The following SH3D19 variants were observed in gnomAD, a reference collection of about 807,000 sequenced individuals.
SH3D19 encodes the protein SH3 domain-containing protein 19.
In SH3D19, 58 loss-of-function variants were observed where a neutral mutation model predicts 112.1. The observed-to-expected ratio is 0.52, with a 90% CI of 0.42 to 0.64. The LOEUF (loss-of-function observed/expected upper bound fraction) is 0.64. Among genes scored for constraint, SH3D19 ranks in the 30% least tolerant of loss-of-function variants. SH3D19 has a pLI of 0.00. For missense variants in SH3D19, 1,090 were observed against 1,263.4 expected (o/e 0.86, Z 2.08); for synonymous variants, 391 against 448.5 (o/e 0.87, Z 1.62).
chr4:151,248,686 G>A (rs113038109), intron 1 of SH3D19, among the ~76,000 whole-genome samples: 12 of 152,190 alleles, frequency 7.9e-5, no homozygotes, highest in Admixed American at 1.3e-4. Flanking sequence ...AGTGGAAGGC[G>A]CATGGACTTT....
intron 1 of SH3D19, among the ~76,000 whole-genome samples, chr4:151,237,333 T>C (rs914987276): frequency 2.0e-5 from 3 of 152,156 alleles, no homozygotes; most frequent in Non-Finnish European, 4.4e-5. Flanking sequence ...TTCTATCACT[T>C]ATATATCTTT....
At chr4:151,208,582 C>G (rs1765453139) in intron 2 of SH3D19, among the ~76,000 whole-genome samples, 1 of 152,084 alleles carries the variant, frequency 6.6e-6, no homozygotes, top group Non-Finnish European at 1.5e-5. Flanking sequence ...GTTTGTCAGG[C>G]TGGTCTCCAA....
chr4:151,309,124 G>C (rs1729197739), intron 1 of SH3D19, among the ~76,000 whole-genome samples: 2 of 152,210 alleles, frequency 1.3e-5, no homozygotes, highest in African/African-American at 4.8e-5. Flanking sequence ...CCGCCTTGGT[G>C]TCCCAAAGTA....
intron 1 of SH3D19, among the ~76,000 whole-genome samples, chr4:151,269,965 G>A (rs1773117640): frequency 6.6e-6 from 1 of 152,074 alleles, no homozygotes; most frequent in Admixed American, 6.5e-5. Flanking sequence ...GTGTTCAGGG[G>A]CAATAACATG....
intron 1 of SH3D19, among the ~76,000 whole-genome samples, chr4:151,312,836 G>A (rs542053275): frequency 5.3e-5 from 8 of 151,828 alleles, no homozygotes; most frequent in African/African-American, 1.9e-4. Flanking sequence ...GGGAGGCGAA[G>A]GTTGCAGTGA....
intron 1 of SH3D19, among the ~76,000 whole-genome samples, chr4:151,228,182 A>G (rs1378928213): frequency 6.6e-6 from 1 of 152,154 alleles, no homozygotes; most frequent in Non-Finnish European, 1.5e-5. Context: ...TGCTGGGGGA[A>G]ATTTTAAAAT....
At chr4:151,245,057 T>A (rs1166614512) in intron 1 of SH3D19, among the ~76,000 whole-genome samples, 1 of 151,682 alleles carries the variant, frequency 6.6e-6, no homozygotes, top group Non-Finnish European at 1.5e-5. Flanking sequence ...AGCAGGAAAA[T>A]CATTTGAACC....
chr4:151,276,488 C>T (rs76848279), intron 1 of SH3D19, among the ~76,000 whole-genome samples: 2,760 of 152,160 alleles, frequency 0.018, 41 homozygotes, highest in Middle Eastern at 0.037. Flanking sequence ...TGATGCAGAC[C>T]CCTAAGAACG....
intron 1 of SH3D19, among the ~76,000 whole-genome samples, chr4:151,276,124 T>C (rs929722756): frequency 1.3e-5 from 2 of 152,230 alleles, no homozygotes; most frequent in Non-Finnish European, 2.9e-5. Flanking sequence ...ATTACAGGCA[T>C]GAGCCACCGT....
In SH3D19 at chr4:151,203,579, C is replaced by G. The variant is rs544776859; in HGVS notation, c.153-16116G>C. Reference sequence around the variant, plus strand: ...CCTCAGGTGGGGATGCCAGCCCCACCAACTTATAAAGGTCATTTGTGCTCT... The same window carrying G: ...CCTCAGGTGGGGATGCCAGCCCCACGAACTTATAAAGGTCATTTGTGCTCT... On this transcript the variant is annotated intron_variant, in intron 2 of 19. Coordinates refer to ENST00000604030, the MANE Select transcript of SH3D19 (RefSeq NM_001378122.1). Among the ~76,000 whole-genome samples the G allele has an allele frequency of 1.5e-4, 23 of 152,218 alleles. 1 individual carries two copies. In the South Asian group the frequency reaches 4.8e-3, roughly 32 times the overall value.
At position 151,202,281 on chromosome 4, in the gene SH3D19, G is replaced by A. The variant is rs146089183; in HGVS notation, c.153-14818C>T. 4.2e-3 allele frequency among the ~76,000 whole-genome samples: 633 copies of A among 152,348 alleles called. 1 individual carries two copies. Among genetic ancestry groups the A allele is most frequent in the Non-Finnish European group, 7.0e-3 (477 of 68,036 alleles). On this transcript the variant is annotated intron_variant, in intron 2 of 19. Transcript: ENST00000604030. Reference sequence around the variant, plus strand: ...ACTCAGGAGGCGGAGGTTGCTGTGAGCCGAGATCGCGCCACTGAATGCCAG... The same window carrying A: ...ACTCAGGAGGCGGAGGTTGCTGTGAACCGAGATCGCGCCACTGAATGCCAG...
At chr4:151,257,095 A>G (rs555761956) in intron 1 of SH3D19, among the ~76,000 whole-genome samples, 12 of 150,718 alleles carry the variant, frequency 8.0e-5, no homozygotes, top group Non-Finnish European at 1.6e-4. Flanking sequence ...TTGTTTGTTT[A>G]TTTATTTTTT....
chr4:151,177,829 T>A (rs1449276068), intron 4 of SH3D19, among the ~76,000 whole-genome samples: 2 of 152,246 alleles, frequency 1.3e-5, no homozygotes, highest in Non-Finnish European at 2.9e-5. Context: ...GGTTTGTATA[T>A]GATTTGATGA....
At chr4:151,178,342 A>G (rs999488769) in intron 4 of SH3D19, among the ~76,000 whole-genome samples, 8 of 152,172 alleles carry the variant, frequency 5.3e-5, no homozygotes, top group African/African-American at 1.9e-4. Flanking sequence ...GCCTTTCTCT[A>G]GCACTCTATG....
At chr4:151,128,448 T>C in intron 17 of SH3D19, 92 bp from the exon 18 acceptor site, 1 of 965,608 alleles carries the variant, frequency 1.0e-6, no homozygotes, top group Non-Finnish European at 1.5e-6. Flanking sequence ...AAAAAAAAAC[T>C]AAGGGGTCTT....
At chr4:151,210,489 C>T (rs1408551814) in intron 2 of SH3D19, among the ~76,000 whole-genome samples, 3 of 151,522 alleles carry the variant, frequency 2.0e-5, no homozygotes, top group Non-Finnish European at 4.4e-5. Flanking sequence ...GCAAGCTCCG[C>T]CTCCTGGGTT....
At chr4:151,172,161 G>C (rs1759169458) in intron 7 of SH3D19, among the ~76,000 whole-genome samples, 1 of 152,218 alleles carries the variant, frequency 6.6e-6, no homozygotes, top group African/African-American at 2.4e-5. Flanking sequence ...CCTGGTGTCT[G>C]GATGATTAGG....
intron 9 of SH3D19, among the ~76,000 whole-genome samples, chr4:151,152,177 C>T (rs897548087): frequency 1.3e-5 from 2 of 152,172 alleles, no homozygotes; most frequent in African/African-American, 4.8e-5. Context: ...TGAGAGGAGA[C>T]AGTTCTTGCA....
chr4:151,321,720 T>G (rs774470564), intron 1 of SH3D19, among the ~76,000 whole-genome samples: 1 of 152,200 alleles, frequency 6.6e-6, no homozygotes, highest in African/African-American at 2.4e-5. Flanking sequence ...CATCATCCTT[T>G]TGAACCAGCA....
Sources: gnomAD v4.1 joint callset for allele counts (sites outside exome capture counted in the v4.1 genomes callset) on GRCh38, gnomAD v4.1.1 for gene constraint, MANE v1.5 for transcripts, NCBI Gene and HGNC (gene_info 2026-07-23, HGNC 2026-07-21) for gene names.